TPD52L1: variants seen among roughly 807,000 people sequenced by gnomAD.
TPD52L1 encodes the protein TPD52 like 1, also known as tumor protein D53.
TPD52L1 carries 18 observed loss-of-function variants against 28.7 expected under a neutral mutation model. That is an observed-to-expected ratio of 0.63 (90% CI 0.43 to 0.93). The LOEUF (loss-of-function observed/expected upper bound fraction) is 0.93, where lower values mean the gene tolerates loss of function less well. TPD52L1 is among the 40% of genes least tolerant of loss of function. The pLI is 0.00. For missense variants in TPD52L1, 203 were observed against 254.8 expected (o/e 0.80, Z 1.39); for synonymous variants, 75 against 88.8 (o/e 0.84, Z 0.88).
intron 1 of TPD52L1, chr6:125,203,649 T>G: frequency 1.0e-6 from 1 of 985,430 alleles, no homozygotes; most frequent in East Asian, 1.1e-4. Flanking sequence ...CCTTGGTGTG[T>G]GCATAAGGCC....
At chr6:125,195,998 A>G (rs1175543405) in intron 1 of TPD52L1, among the ~76,000 whole-genome samples, 1 of 152,208 alleles carries the variant, frequency 6.6e-6, no homozygotes, top group African/African-American at 2.4e-5. Flanking sequence ...CTGAGCTCAC[A>G]GTAATGCCCC....
chr6:125,218,900 G>C (rs113922446), intron 1 of TPD52L1, among the ~76,000 whole-genome samples: 2,174 of 152,192 alleles, frequency 0.014, 11 homozygotes, highest in African/African-American at 0.023. Context: ...GAATTTATTG[G>C]GTGAAAAGGA....
chr6:125,211,454 T>C (rs1794504623), intron 1 of TPD52L1, among the ~76,000 whole-genome samples: 1 of 152,192 alleles, frequency 6.6e-6, no homozygotes, highest in Non-Finnish European at 1.5e-5. Flanking sequence ...AAAAAAAGTC[T>C]GTGCTGCAAT....
intron 1 of TPD52L1, chr6:125,154,463 C>G (rs1789979385): frequency 1.0e-6 from 1 of 986,176 alleles, no homozygotes; most frequent in Non-Finnish European, 1.2e-6. Flanking sequence ...CGAGACGCTT[C>G]CCGCTCGGGG....
intron 3 of TPD52L1, among the ~76,000 whole-genome samples, chr6:125,230,403 C>A (rs971026484): frequency 7.9e-5 from 12 of 152,086 alleles, no homozygotes; most frequent in Admixed American, 3.9e-4. Flanking sequence ...CAAATTTCAC[C>A]ATTAAGAAAT....
At chr6:125,188,814 G>T (rs1292281588) in intron 1 of TPD52L1, among the ~76,000 whole-genome samples, 1 of 152,176 alleles carries the variant, frequency 6.6e-6, no homozygotes, top group East Asian at 1.9e-4. Context: ...GATTTTCACT[G>T]GACTGGAGAG....
chr6:125,249,122 A>G (rs1321944480), intron 4 of TPD52L1, among the ~76,000 whole-genome samples: 1 of 151,068 alleles, frequency 6.6e-6, no homozygotes, highest in African/African-American at 2.4e-5. Flanking sequence ...TTTTCATATT[A>G]TATACAATAT....
At chr6:125,195,624 C>G (rs936812086) in intron 1 of TPD52L1, among the ~76,000 whole-genome samples, 4 of 152,150 alleles carry the variant, frequency 2.6e-5, no homozygotes, top group Admixed American at 1.3e-4. Flanking sequence ...TTGTCTTGGT[C>G]CAGTCAACAG....
At chr6:125,188,463 C>G (rs1398018112) in intron 1 of TPD52L1, among the ~76,000 whole-genome samples, 4 of 152,118 alleles carry the variant, frequency 2.6e-5, no homozygotes, top group African/African-American at 7.2e-5. Context: ...AATTAAATAT[C>G]CTTCTTAGAA....
chr6:125,217,751 A>AT (rs1349356990), intron 1 of TPD52L1, among the ~76,000 whole-genome samples: 1 of 151,938 alleles, frequency 6.6e-6, no homozygotes, highest in East Asian at 1.9e-4. Flanking sequence ...ACAGTCCTAA[A>AT]TTTTTTATTA....
chr6:125,202,450 A>T (rs1793852731), intron 1 of TPD52L1, among the ~76,000 whole-genome samples: 1 of 152,134 alleles, frequency 6.6e-6, no homozygotes, highest in Non-Finnish European at 1.5e-5. Flanking sequence ...GTTGAAGGAG[A>T]TAAGAAACTG....
chr6:125,247,760 T>G (rs1028655230), intron 3 of TPD52L1, among the ~76,000 whole-genome samples: 1 of 152,236 alleles, frequency 6.6e-6, no homozygotes, highest in Non-Finnish European at 1.5e-5. Flanking sequence ...CTATATTATC[T>G]TCAGATAATG....
intron 3 of TPD52L1, among the ~76,000 whole-genome samples, chr6:125,231,433 T>C (rs1795941638): frequency 6.6e-6 from 1 of 152,224 alleles, no homozygotes; most frequent in Non-Finnish European, 1.5e-5. Context: ...GGAAGGCTTC[T>C]AGCCTCTTCC....
intron 1 of TPD52L1, among the ~76,000 whole-genome samples, chr6:125,196,095 T>A (rs1004375695): frequency 2.0e-5 from 3 of 152,200 alleles, no homozygotes; most frequent in Non-Finnish European, 4.4e-5. Context: ...AAAACACAGA[T>A]GTGCAAGGTT....
intron 1 of TPD52L1, among the ~76,000 whole-genome samples, chr6:125,195,428 A>G (rs926806825): frequency 1.3e-5 from 2 of 152,228 alleles, no homozygotes; most frequent in African/African-American, 4.8e-5. Flanking sequence ...CACTGGGTAC[A>G]TTGTGGACCG....
In TPD52L1 at chr6:125,205,574, G is replaced by T. The variant is rs561357052; in HGVS notation, c.20-14504G>T. Among the ~76,000 whole-genome samples the T allele has an allele frequency of 1.2e-4, 19 of 152,238 alleles. No homozygotes were observed. The South Asian group carries it at 3.9e-3, about 32-fold the overall frequency. On this transcript the variant is annotated intron_variant, in intron 1 of 6. Transcript: ENST00000534000. Reference sequence around the variant, plus strand: ...AATAGGAGTCCTTGCTTAGGTCTTGGCCACAGAGATAATAATTTAGGCTTA... The same window carrying T: ...AATAGGAGTCCTTGCTTAGGTCTTGTCCACAGAGATAATAATTTAGGCTTA...
At chr6:125,240,849 CT>C (rs1796573637) in intron 3 of TPD52L1, among the ~76,000 whole-genome samples, 2 of 152,112 alleles carry the variant, frequency 1.3e-5, no homozygotes, top group South Asian at 4.1e-4. Flanking sequence ...CTGGCTAAGA[CT>C]TCCTGTACTA....
intron 2 of TPD52L1, among the ~76,000 whole-genome samples, 178 bp downstream of exon 2, chr6:125,220,371 A>G (rs1795155999): frequency 6.6e-6 from 1 of 152,224 alleles, no homozygotes; most frequent in Non-Finnish European, 1.5e-5. Flanking sequence ...TTCTACTGTT[A>G]CATATTACTT....
At chr6:125,165,444 G>A (rs1790834629) in intron 1 of TPD52L1, among the ~76,000 whole-genome samples, 1 of 152,116 alleles carries the variant, frequency 6.6e-6, no homozygotes, top group African/African-American at 2.4e-5. Context: ...GATGCATTTT[G>A]ATGCAGAGGA....
Sources: gnomAD v4.1 joint callset for allele counts (sites outside exome capture counted in the v4.1 genomes callset) on GRCh38, gnomAD v4.1.1 for gene constraint, MANE v1.5 for transcripts, NCBI Gene and HGNC (gene_info 2026-07-23, HGNC 2026-07-21) for gene names.